ATP13A4: variants seen among roughly 807,000 people sequenced by gnomAD.
The protein encoded by ATP13A4 is ATPase 13A4, also known as probable cation-transporting ATPase 13A4.
In ATP13A4, 114 loss-of-function variants were observed where a neutral mutation model predicts 142.5. That is an observed-to-expected ratio of 0.80 (90% CI 0.69 to 0.93). ATP13A4 has a LOEUF of 0.93. ATP13A4 is among the 40% of genes least tolerant of loss of function. The probability of loss-of-function intolerance (pLI) is 0.00; values close to 1 mark genes in which losing one functional copy is unlikely to be tolerated. For synonymous variants in ATP13A4, 488 were observed against 514.8 expected (o/e 0.95, Z 0.70); for missense variants, 1,392 against 1,454.0 (o/e 0.96, Z 0.69).
At chr3:193,465,169 T>C (rs375752892) in intron 11 of ATP13A4, 41 bp from the exon 12 acceptor site, 8 of 1,594,056 alleles carry the variant, frequency 5.0e-6, no homozygotes, top group Non-Finnish European at 6.9e-6. Context: ...GACAAATCTC[T>C]GATGAACAGC....
chr3:193,427,677 C>T (rs1456365768), intron 25 of ATP13A4, among the ~76,000 whole-genome samples: 1 of 152,070 alleles, frequency 6.6e-6, no homozygotes, highest in Non-Finnish European at 1.5e-5. Context: ...CTGACAAAAA[C>T]AAGAAATGGG....
Position 193,402,404 on chromosome 3 carries a change from T to C in ATP13A4, c.*248A>G. On this transcript the variant is annotated 3_prime_UTR_variant, in exon 30 of 30. Coordinates refer to ENST00000342695, the MANE Select transcript of ATP13A4 (RefSeq NM_032279.4). ...CTTGTCTCTTGGCCCATAGAAATTC[T>C]TGGCCCATTCTTGCCTTCACTGAAT... 1 of 479,800 alleles carries C rather than the reference T, an allele frequency of 2.1e-6. No individual in the cohort carries two copies. The highest frequency in any genetic ancestry group is 4.0e-5 in the East Asian group (1 of 24,866). 29.7% of individuals were successfully genotyped at this position (479,800 alleles called of 1,614,324 possible).
At chr3:193,489,693 C>T (rs1307502185) in intron 7 of ATP13A4, 37 bp downstream of exon 7, 2 of 1,578,400 alleles carry the variant, frequency 1.3e-6, no homozygotes, top group Admixed American at 1.7e-5. Context: ...CATTATCCTT[C>T]CCTTTATGAA....
At position 193,402,588 on chromosome 3, in the gene ATP13A4, T is replaced by C. The variant is rs1458013063; in HGVS notation, c.*64A>G. 1.2e-5 allele frequency: 9 copies of C among 779,486 alleles called. No homozygotes were observed. The highest frequency in any genetic ancestry group is 2.1e-5 in the Non-Finnish European group (9 of 422,594). The allele number at this position is 779,486 out of a possible 1,614,324, so 48.3% of individuals were successfully genotyped here. On this transcript the variant is annotated 3_prime_UTR_variant, in exon 30 of 30. Coordinates refer to ENST00000342695, the MANE Select transcript of ATP13A4 (RefSeq NM_032279.4). ...GTTACAAGAGTCTCATTTCTTAAAA[T>C]CAATGAAACTGGTCCCTTTTGTCAT...
At chr3:193,444,441 A>C (rs1489931) in intron 18 of ATP13A4, among the ~76,000 whole-genome samples, 11,102 of 152,290 alleles carry the variant, frequency 0.073, 583 homozygotes, top group East Asian at 0.17. Context: ...CAACAACAAA[A>C]GCTACAGGGT....
chr3:193,406,381 C>G (rs928470899), intron 29 of ATP13A4, among the ~76,000 whole-genome samples: 2 of 152,198 alleles, frequency 1.3e-5, no homozygotes, highest in Admixed American at 6.5e-5. Flanking sequence ...ACCATGAACA[C>G]TCCATTTGCA....
intron 1 of ATP13A4, among the ~76,000 whole-genome samples, chr3:193,518,548 G>A (rs1339695040): frequency 6.6e-6 from 1 of 152,158 alleles, no homozygotes; most frequent in Non-Finnish European, 1.5e-5. Flanking sequence ...GTTACATGCA[G>A]ATTATTGTCA....
At chr3:193,474,924 AAG>A (rs1299145578) in intron 8 of ATP13A4, among the ~76,000 whole-genome samples, 1 of 152,060 alleles carries the variant, frequency 6.6e-6, no homozygotes, top group African/African-American at 2.4e-5. Context: ...CTTTCTAAAA[AAG>A]AGAGTGAGAC....
At chr3:193,483,703 A>C (rs536069999) in intron 8 of ATP13A4, among the ~76,000 whole-genome samples, 33 of 152,246 alleles carry the variant, frequency 2.2e-4, no homozygotes, top group Middle Eastern at 3.4e-3. Flanking sequence ...TGACCTCGTG[A>C]TCAGCCCGCC....
chr3:193,467,343 T>C lies in ATP13A4; in HGVS notation c.1087A>G (p.Thr363Ala). Residue 363 changes from threonine to alanine, a missense_variant, in exon 10 of 30, where the codon ACC becomes GCC. By Grantham distance (58) the Thr-to-Ala change is moderately conservative. Coordinates refer to ENST00000342695, the MANE Select transcript of ATP13A4 (RefSeq NM_032279.4). The part of the protein sequence containing the change: ...VIQAKAACSG[T>A]VRAVVLQTGF... The stretch of plus-strand genomic sequence containing the variant: ...GTCTGCAGTACCACGGCTCTCACGG[T>C]CCCAGAGCAAGCTGCCTTGGCCTGG... 6.2e-7 allele frequency: 1 copy of C among 1,614,152 alleles called. No homozygotes were observed.
chr3:193,439,468 C>G (rs374149377), intron 21 of ATP13A4, among the ~76,000 whole-genome samples: 1 of 152,016 alleles, frequency 6.6e-6, no homozygotes, highest in African/African-American at 2.4e-5. Context: ...TATTTTGCTA[C>G]GAAGGGCTAT....
chr3:193,407,449 T>A (rs1714555368), intron 28 of ATP13A4, 56 bp from the exon 29 acceptor site: 1 of 1,362,536 alleles, frequency 7.3e-7, no homozygotes, highest in South Asian at 1.2e-5. Flanking sequence ...GCTGGAAACA[T>A]GCTCACATGT....
At chr3:193,430,980 T>C (rs188295366) in intron 25 of ATP13A4, among the ~76,000 whole-genome samples, 1 of 152,136 alleles carries the variant, frequency 6.6e-6, no homozygotes, top group East Asian at 1.9e-4. Flanking sequence ...CATTGCTTAG[T>C]GACTAATGAT....
intron 17 of ATP13A4, among the ~76,000 whole-genome samples, chr3:193,450,163 C>CA (rs1399530989): frequency 2.7e-4 from 41 of 151,654 alleles, no homozygotes; most frequent in Admixed American, 9.2e-4. Flanking sequence ...GCTCCCTTGT[C>CA]ATATTACTTA....
chr3:193,550,061 C>T (rs1223654686), intron 1 of ATP13A4, among the ~76,000 whole-genome samples: 1 of 152,094 alleles, frequency 6.6e-6, no homozygotes. Context: ...TCAGGCGGGG[C>T]AGGGTGGAAG....
At chr3:193,564,433 C>T (rs1016047860) in intron 2 of ATP13A4, among the ~76,000 whole-genome samples, 1 of 152,168 alleles carries the variant, frequency 6.6e-6, no homozygotes, top group African/African-American at 2.4e-5. Flanking sequence ...ACAGGTTGGT[C>T]ATCATCAAGT....
rs1719934133 is a variant in ATP13A4, at chr3:193,491,373, T to C, written c.559A>G (p.Ile187Val). The C allele has an allele frequency of 1.2e-6, 2 of 1,600,010 alleles. No individual in the cohort carries two copies. The highest frequency in any genetic ancestry group is 1.7e-5 in the Admixed American group (1 of 59,960). Residue 187 changes from isoleucine to valine, a missense_variant, in exon 6 of 30, where the codon ATC becomes GTC. Coordinates refer to ENST00000342695, the MANE Select transcript of ATP13A4 (RefSeq NM_032279.4). ...CAAATTGGTGTAACTTCAACATCGA[T>C]AGTATTAGGCCCACATATTAACCTC... ...IRRLICGPNT[I>V]DVEVTPIWKL...
At chr3:193,480,724 C>T (rs1719242793) in intron 8 of ATP13A4, among the ~76,000 whole-genome samples, 1 of 152,108 alleles carries the variant, frequency 6.6e-6, no homozygotes. Context: ...TATGGAGATT[C>T]CTTAAAGAAC....
At chr3:193,585,691 G>A (rs1724654435) in intron 1 of ATP13A4, among the ~76,000 whole-genome samples, 1 of 152,086 alleles carries the variant, frequency 6.6e-6, no homozygotes, top group African/African-American at 2.4e-5. Flanking sequence ...CATTCTGTTT[G>A]TTGTTGAGGA....
Sources: gnomAD v4.1 joint callset for allele counts (sites outside exome capture counted in the v4.1 genomes callset) on GRCh38, gnomAD v4.1.1 for gene constraint, MANE v1.5 for transcripts, NCBI Gene and HGNC (gene_info 2026-07-23, HGNC 2026-07-21) for gene names.